The following MED27 variants were observed in gnomAD, a reference collection of about 807,000 sequenced individuals.
MED27 encodes the protein mediator of RNA polymerase II transcription subunit 27.
A neutral mutation model predicts 38.2 loss-of-function variants in MED27; 30 were observed. The ratio of observed to expected loss-of-function variants is 0.79; its 90% CI spans 0.59 to 1.07. The LOEUF (loss-of-function observed/expected upper bound fraction) is 1.07, where lower values mean the gene tolerates loss of function less well. Ranked by LOEUF, MED27 falls within the 50% of genes least tolerant of loss-of-function variation. The probability of loss-of-function intolerance (pLI) is 0.00; values close to 1 mark genes in which losing one functional copy is unlikely to be tolerated. For missense variants in MED27, 289 were observed against 397.5 expected, an observed-to-expected ratio of 0.73 and a Z score of 2.32; for synonymous variants, 122 against 153.5, an observed-to-expected ratio of 0.79 and a Z score of 1.52.
intron 5 of MED27, among the ~76,000 whole-genome samples, chr9:131,888,986 C>T (rs1352559736): frequency 6.6e-6 from 1 of 152,182 alleles, no homozygotes; most frequent in Non-Finnish European, 1.5e-5. Flanking sequence ...ACTGGATTCC[C>T]CTTTCCCTGG....
chr9:132,026,704 C>T (rs1372415259), intron 2 of MED27, among the ~76,000 whole-genome samples: 2 of 152,136 alleles, frequency 1.3e-5, no homozygotes, highest in South Asian at 2.1e-4. Context: ...ATGTAAGCCC[C>T]GTAGGAGTAG....
chr9:132,002,347 T>C (rs1164163773), intron 3 of MED27, among the ~76,000 whole-genome samples: 1 of 152,214 alleles, frequency 6.6e-6, no homozygotes, highest in Admixed American at 6.5e-5. Flanking sequence ...GTGTATCTAT[T>C]TTAAACGAGT....
At chr9:132,021,578 C>T (rs1008694685) in intron 2 of MED27, among the ~76,000 whole-genome samples, 1 of 152,186 alleles carries the variant, frequency 6.6e-6, no homozygotes, top group Admixed American at 6.5e-5. Context: ...ACCCCATCTG[C>T]CTTGCATGGT....
At chr9:132,012,322 G>C (rs1198432713) in intron 3 of MED27, among the ~76,000 whole-genome samples, 1 of 152,190 alleles carries the variant, frequency 6.6e-6, no homozygotes, top group Non-Finnish European at 1.5e-5. Flanking sequence ...TGGCCCTTAA[G>C]AAGCATTCTG....
chr9:131,993,688 A>T (rs1286563742), intron 3 of MED27, among the ~76,000 whole-genome samples: 4 of 152,228 alleles, frequency 2.6e-5, no homozygotes, highest in Non-Finnish European at 5.9e-5. Context: ...TGAGACCAAC[A>T]TACAGCAGGT....
At chr9:131,908,670 TGAAG>T (rs1205498981) in intron 4 of MED27, among the ~76,000 whole-genome samples, 4 of 152,126 alleles carry the variant, frequency 2.6e-5, no homozygotes, top group African/African-American at 9.7e-5. Context: ...AACCGATGCT[TGAAG>T]GCAGCATGCT....
At chr9:131,948,350 G>A (rs959494040) in intron 3 of MED27, among the ~76,000 whole-genome samples, 4 of 151,898 alleles carry the variant, frequency 2.6e-5, no homozygotes, top group Non-Finnish European at 5.9e-5. Context: ...AGCAGGGCAT[G>A]GTGGCATGCG....
intron 2 of MED27, among the ~76,000 whole-genome samples, chr9:132,062,324 G>A (rs1012835725): frequency 7.2e-5 from 11 of 152,240 alleles, no homozygotes; most frequent in African/African-American, 2.7e-4. Context: ...GCGGGCAGGT[G>A]GCCTGCAGAA....
chr9:131,947,550 T>C (rs1375644507), intron 3 of MED27, among the ~76,000 whole-genome samples: 1 of 152,202 alleles, frequency 6.6e-6, no homozygotes, highest in African/African-American at 2.4e-5. Context: ...TCTAAAGATA[T>C]CGCCTTTGCA....
chr9:131,993,546 C>G (rs1165123114), intron 3 of MED27, among the ~76,000 whole-genome samples: 1 of 152,196 alleles, frequency 6.6e-6, no homozygotes, highest in African/African-American at 2.4e-5. Flanking sequence ...TTCTCAGAGA[C>G]CTGAGGCTTC....
rs1467490285 is a variant in MED27 at position 132,004,779 on chromosome 9, G to A, written c.479+9558C>T. Among the ~76,000 whole-genome samples, 9 of 152,292 alleles carry A rather than the reference G, an allele frequency of 5.9e-5. 1 individual carries two copies. The Middle Eastern group carries it at 0.014, about 230-fold the overall frequency. On this transcript the variant is annotated intron_variant, in intron 3 of 7. Coordinates refer to ENST00000292035, the MANE Select transcript of MED27 (RefSeq NM_004269.4). Reference sequence around the variant, plus strand: ...ACTAAGAGCCACGGGCAGTAGGAACGCACGTCCAGAACATGCTGTGAAAGG... The same window carrying A: ...ACTAAGAGCCACGGGCAGTAGGAACACACGTCCAGAACATGCTGTGAAAGG...
At position 132,073,573 on chromosome 9, in the gene MED27, G is replaced by A. The variant is rs983136864; in HGVS notation, c.348+3869C>T. 1.6e-5 allele frequency: 22 copies of A among 1,386,414 alleles called. No individual in the cohort carries two copies. In the South Asian group the frequency reaches 1.9e-4, roughly 12 times the overall value. 85.9% of individuals were successfully genotyped at this position (1,386,414 alleles called of 1,614,324 possible). Reference sequence around the variant, plus strand: ...ACGATTCCAACCCTGTTAGTTCCATGATGCAAAAACAGAAAAGAGCACCTT... The same window carrying A: ...ACGATTCCAACCCTGTTAGTTCCATAATGCAAAAACAGAAAAGAGCACCTT... On this transcript the variant is annotated intron_variant, in intron 2 of 7. Coordinates refer to ENST00000292035, the MANE Select transcript of MED27 (RefSeq NM_004269.4).
At chr9:131,996,811 G>A (rs1832101531) in intron 3 of MED27, among the ~76,000 whole-genome samples, 1 of 152,118 alleles carries the variant, frequency 6.6e-6, no homozygotes, top group African/African-American at 2.4e-5. Flanking sequence ...ACCTTTATGA[G>A]GATCCACTTC....
At chr9:132,024,480 AT>A in intron 2 of MED27, among the ~76,000 whole-genome samples, 1 of 152,348 alleles carries the variant, frequency 6.6e-6, no homozygotes, top group African/African-American at 2.4e-5. Flanking sequence ...AACACCAGGA[AT>A]GACTGAATTT....
intron 3 of MED27, among the ~76,000 whole-genome samples, chr9:131,958,249 T>G (rs961102730): frequency 1.9e-4 from 26 of 136,136 alleles, no homozygotes; most frequent in Admixed American, 4.3e-4. Context: ...TTCAGTGGGG[T>G]TTTTTTTTTT....
chr9:132,019,704 C>A (rs1478760039), intron 2 of MED27, among the ~76,000 whole-genome samples: 1 of 152,204 alleles, frequency 6.6e-6, no homozygotes, highest in Non-Finnish European at 1.5e-5. Flanking sequence ...GGACGGTGGG[C>A]CATACAGGGT....
intron 2 of MED27, among the ~76,000 whole-genome samples, chr9:132,031,534 T>C (rs1183315789): frequency 2.6e-5 from 4 of 152,056 alleles, no homozygotes; most frequent in Admixed American, 2.0e-4. Context: ...AAGCCAGGTA[T>C]GGTGGGGCAC....
chr9:131,978,184 A>C (rs976686650), intron 3 of MED27, among the ~76,000 whole-genome samples: 2 of 152,236 alleles, frequency 1.3e-5, no homozygotes, highest in Admixed American at 6.5e-5. Context: ...AACGAAACCA[A>C]GGAGATGAAG....
intron 6 of MED27, among the ~76,000 whole-genome samples, chr9:131,875,624 T>A (rs1404924511): frequency 6.6e-6 from 1 of 152,166 alleles, no homozygotes; most frequent in African/African-American, 2.4e-5. Flanking sequence ...GACATTCACC[T>A]TACACTTCAT....
Sources: gnomAD v4.1 joint callset for allele counts (sites outside exome capture counted in the v4.1 genomes callset) on GRCh38, gnomAD v4.1.1 for gene constraint, MANE v1.5 for transcripts, NCBI Gene and HGNC (gene_info 2026-07-23, HGNC 2026-07-21) for gene names.